The following FBXW7 variants were observed in gnomAD, a reference collection of about 807,000 sequenced individuals.
FBXW7 encodes F-box/WD repeat-containing protein 7.
A neutral mutation model predicts 86.3 loss-of-function variants in FBXW7; 11 were observed. The observed-to-expected ratio is 0.13, with a 90% CI of 0.08 to 0.21. The LOEUF is 0.21. FBXW7 is among the 10% of genes least tolerant of loss of function. FBXW7 has a pLI of 1.00. For missense variants in FBXW7, 488 were observed against 847.4 expected, an observed-to-expected ratio of 0.58 and a Z score of 5.27; for synonymous variants, 313 against 297.9, an observed-to-expected ratio of 1.05 and a Z score of -0.52.
chr4:152,508,311 G>T (rs1747621891), intron 2 of FBXW7, among the ~76,000 whole-genome samples: 1 of 152,032 alleles, frequency 6.6e-6, no homozygotes. Context: ...CATAACAAGG[G>T]AAAGTTCTTC....
At chr4:152,332,190 T>G (rs1249095455) in intron 8 of FBXW7, among the ~76,000 whole-genome samples, 1 of 152,094 alleles carries the variant, frequency 6.6e-6, no homozygotes, top group South Asian at 2.1e-4. Context: ...ATAAGCTCCA[T>G]GACAAAAGAG....
At chr4:152,336,469 C>T (rs1167438088) in intron 7 of FBXW7, among the ~76,000 whole-genome samples, 5 of 151,918 alleles carry the variant, frequency 3.3e-5, no homozygotes, top group African/African-American at 1.2e-4. Context: ...TGCATTTTAA[C>T]AAAAATGATA....
rs1176878651 is a variant in FBXW7, at chr4:152,475,247, C to T, written c.-120+59694G>A. Among the ~76,000 whole-genome samples, 5 of 151,736 alleles carry T rather than the reference C, an allele frequency of 3.3e-5. No individual in the cohort carries two copies. The East Asian group carries it at 9.6e-4, about 29-fold the overall frequency. The stretch of plus-strand genomic sequence containing the variant: ...GTTCAAGACCAGCCTGTGAACACAG[C>T]AAGACCTCATCTCCACAAAAAATAA... On this transcript the variant is annotated intron_variant, in intron 2 of 13. Transcript: ENST00000281708.
At chr4:152,454,535 A>C (rs1011163571) in intron 2 of FBXW7, among the ~76,000 whole-genome samples, 1 of 152,102 alleles carries the variant, frequency 6.6e-6, no homozygotes, top group Non-Finnish European at 1.5e-5. Context: ...TCTATTGGTA[A>C]TTTTCAAACA....
chr4:152,427,017 G>C (rs1739449929), intron 2 of FBXW7, among the ~76,000 whole-genome samples: 1 of 152,154 alleles, frequency 6.6e-6, no homozygotes, highest in African/African-American at 2.4e-5. Flanking sequence ...CAGTCAACTG[G>C]AGCTCTTTGA....
At chr4:152,356,927 C>G (rs560113439) in intron 4 of FBXW7, among the ~76,000 whole-genome samples, 4 of 152,276 alleles carry the variant, frequency 2.6e-5, no homozygotes, top group South Asian at 4.1e-4. Context: ...TTATATACAT[C>G]AATTGAAACT....
intron 2 of FBXW7, among the ~76,000 whole-genome samples, chr4:152,420,312 C>A (rs968416928): frequency 6.6e-6 from 1 of 152,170 alleles, no homozygotes; most frequent in African/African-American, 2.4e-5. Context: ...ACTTCTACTT[C>A]TCTTGCTATT....
intron 2 of FBXW7, among the ~76,000 whole-genome samples, chr4:152,424,286 G>A (rs1739187369): frequency 6.6e-6 from 1 of 152,076 alleles, no homozygotes; most frequent in African/African-American, 2.4e-5. Context: ...ATGGTCCAGG[G>A]AGCATTCCTT....
rs2126880645 is a variant in FBXW7, at chr4:152,411,617, C to T, written c.187G>A (p.Glu63Lys). The change falls in exon 4 of 14, where the codon GAA becomes AAA. Residue 63 changes from glutamate to lysine, a missense_variant. Physicochemically the swap from Glu to Lys is moderately conservative, Grantham distance 56. This residue lies in a region of FBXW7 where 230 missense variants were observed against 240.0 expected (regional missense o/e 0.96). Transcript: ENST00000281708. Reference sequence around the variant, plus strand: ...TCATTTTGGCCTCCAGGTCTAGGTTCTACTCCAACAACTTCACCATTCCTT... The same window carrying T: ...TCATTTTGGCCTCCAGGTCTAGGTTTTACTCCAACAACTTCACCATTCCTT... ...TARNGEVVGVEPRPGGQNDSQ... is the reference protein window; with the variant it reads ...TARNGEVVGVKPRPGGQNDSQ... 1 of 1,614,028 alleles carries T rather than the reference C, an allele frequency of 6.2e-7. No homozygotes were observed. Among genetic ancestry groups the T allele is most frequent in the Non-Finnish European group, 8.5e-7 (1 of 1,179,942 alleles).
intron 4 of FBXW7, among the ~76,000 whole-genome samples, chr4:152,351,319 A>T (rs75371162): frequency 6.6e-6 from 1 of 152,088 alleles, no homozygotes; most frequent in Admixed American, 6.6e-5. Flanking sequence ...CTAAAATACT[A>T]GGATGATCTT....
chr4:152,397,753 A>AG, intron 4 of FBXW7, among the ~76,000 whole-genome samples: 1 of 149,594 alleles, frequency 6.7e-6, no homozygotes, highest in Non-Finnish European at 1.5e-5. Flanking sequence ...TTGTTTAAAT[A>AG]TTCTTTACTC....
intron 2 of FBXW7, among the ~76,000 whole-genome samples, chr4:152,510,537 A>C (rs1310085870): frequency 2.0e-5 from 3 of 152,194 alleles, no homozygotes; most frequent in African/African-American, 7.2e-5. Context: ...GAGAAAGAGG[A>C]GGGCGGTACA....
chr4:152,413,446 A>C (rs1378240576), intron 2 of FBXW7, among the ~76,000 whole-genome samples: 3 of 152,088 alleles, frequency 2.0e-5, no homozygotes, highest in African/African-American at 7.2e-5. Flanking sequence ...AGAATTTTAA[A>C]TTGAAAATGT....
chr4:152,427,672 T>C (rs1465598049), intron 2 of FBXW7, among the ~76,000 whole-genome samples: 1 of 152,252 alleles, frequency 6.6e-6, no homozygotes, highest in Non-Finnish European at 1.5e-5. Context: ...CTTTTGGTCT[T>C]AGAACCTCCT....
chr4:152,508,676 A>G (rs972153807), intron 2 of FBXW7, among the ~76,000 whole-genome samples: 1 of 151,798 alleles, frequency 6.6e-6, no homozygotes, highest in Non-Finnish European at 1.5e-5. Flanking sequence ...AGAAAAAAAA[A>G]ACAGCAAGGA....
chr4:152,403,713 C>T (rs1017370077), intron 4 of FBXW7, among the ~76,000 whole-genome samples: 1 of 152,072 alleles, frequency 6.6e-6, no homozygotes, highest in Non-Finnish European at 1.5e-5. Context: ...GAATCTAATG[C>T]CACAGCTGAT....
chr4:152,531,517 A>C (rs1449356864), intron 2 of FBXW7, among the ~76,000 whole-genome samples: 1 of 152,020 alleles, frequency 6.6e-6, no homozygotes, highest in Non-Finnish European at 1.5e-5. Flanking sequence ...AGCCGCAAAA[A>C]TGTCTACATT....
intron 4 of FBXW7, among the ~76,000 whole-genome samples, chr4:152,384,496 G>T (rs751026057): frequency 2.6e-5 from 4 of 151,988 alleles, no homozygotes; most frequent in Non-Finnish European, 5.9e-5. Flanking sequence ...ATAGAAAACA[G>T]AATCATGGTT....
chr4:152,526,760 A>G (rs1425641500), intron 2 of FBXW7, among the ~76,000 whole-genome samples: 5 of 152,208 alleles, frequency 3.3e-5, no homozygotes, highest in Non-Finnish European at 7.4e-5. Flanking sequence ...ATCACTAACT[A>G]TTCAAAAACG....
Sources: allele counts gnomAD v4.1 joint callset (sites outside exome capture counted in the v4.1 genomes callset), GRCh38; gene constraint gnomAD v4.1.1; regional missense constraint gnomAD v4.1.1; transcripts MANE v1.5; gene names NCBI Gene and HGNC (gene_info 2026-07-23, HGNC 2026-07-21).